CNTNAP2: variants seen among roughly 807,000 people sequenced by gnomAD.
CNTNAP2 encodes the protein contactin-associated protein-like 2.
CNTNAP2 carries 98 observed loss-of-function variants against 155.2 expected under a neutral mutation model. The ratio of observed to expected loss-of-function variants is 0.63; its 90% CI spans 0.54 to 0.75. CNTNAP2 has a LOEUF of 0.75. Ranked by LOEUF, CNTNAP2 falls within the 30% of genes least tolerant of loss-of-function variation. The pLI is 0.00. For synonymous variants in CNTNAP2, 651 were observed against 631.2 expected, an observed-to-expected ratio of 1.03 and a Z score of -0.47; for missense variants, 1,727 against 1,688.1, an observed-to-expected ratio of 1.02 and a Z score of -0.40.
chr7:147,517,059 CAG>C (rs776807113), intron 11 of CNTNAP2, among the ~76,000 whole-genome samples: 1 of 151,074 alleles, frequency 6.6e-6, no homozygotes, highest in Non-Finnish European at 1.5e-5. Context: ...TAGTAGAGAC[CAG>C]GTTTCACCAT....
chr7:148,039,038 T>C (rs1802622018), intron 15 of CNTNAP2, among the ~76,000 whole-genome samples: 1 of 152,068 alleles, frequency 6.6e-6, no homozygotes, highest in Admixed American at 6.6e-5. Context: ...TGAGAAGAGA[T>C]TTATTAGGAG....
intron 3 of CNTNAP2, among the ~76,000 whole-genome samples, chr7:146,996,288 C>T (rs1196652506): frequency 2.0e-5 from 3 of 151,896 alleles, no homozygotes; most frequent in Admixed American, 1.3e-4. Flanking sequence ...GATCGAATTG[C>T]ATTGTAGATG....
intron 3 of CNTNAP2, among the ~76,000 whole-genome samples, chr7:146,971,157 T>C (rs889185476): frequency 6.6e-6 from 1 of 151,906 alleles, no homozygotes; most frequent in East Asian, 1.9e-4. Context: ...TGTATACATA[T>C]GTAACTAACC....
intron 14 of CNTNAP2, among the ~76,000 whole-genome samples, chr7:147,957,329 C>T (rs1407492761): frequency 1.3e-5 from 2 of 151,884 alleles, no homozygotes; most frequent in African/African-American, 4.8e-5. Context: ...GGAATCTAAA[C>T]TAATGAAGAA....
intron 1 of CNTNAP2, among the ~76,000 whole-genome samples, chr7:146,650,549 G>T (rs1019189518): frequency 4.6e-5 from 7 of 151,998 alleles, no homozygotes; most frequent in Non-Finnish European, 7.4e-5. Flanking sequence ...GTTGCGGGGT[G>T]GGGGGCTAGG....
At chr7:148,383,106 G>T (rs1638928318) in intron 21 of CNTNAP2, among the ~76,000 whole-genome samples, 1 of 151,920 alleles carries the variant, frequency 6.6e-6, no homozygotes, top group African/African-American at 2.4e-5. Context: ...ACTAGCCGGG[G>T]ATTCTGTAAA....
intron 2 of CNTNAP2, among the ~76,000 whole-genome samples, chr7:146,788,858 G>A (rs867702581): frequency 2.0e-5 from 3 of 150,018 alleles, no homozygotes; most frequent in East Asian, 1.9e-4. Context: ...TTGTTTTTTC[G>A]TCTATCTCTA....
At chr7:147,127,803 T>A (rs1801271155) in intron 6 of CNTNAP2, among the ~76,000 whole-genome samples, 1 of 152,162 alleles carries the variant, frequency 6.6e-6, no homozygotes, top group African/African-American at 2.4e-5. Flanking sequence ...AATGGTAATA[T>A]TGTATGATAA....
intron 4 of CNTNAP2, among the ~76,000 whole-genome samples, chr7:147,082,302 C>G (rs545438600): frequency 9.0e-4 from 137 of 152,242 alleles, no homozygotes; most frequent in Middle Eastern, 3.4e-3. Context: ...TTGCTTAGGC[C>G]TTTTATCGCT....
chr7:147,022,016 TC>T (rs1254688236), intron 3 of CNTNAP2, among the ~76,000 whole-genome samples: 2 of 152,144 alleles, frequency 1.3e-5, no homozygotes, highest in African/African-American at 4.8e-5. Context: ...TTCAAGTTTT[TC>T]TTATTTTTAT....
intron 1 of CNTNAP2, among the ~76,000 whole-genome samples, chr7:146,169,402 G>A (rs1024996267): frequency 1.3e-5 from 2 of 152,114 alleles, no homozygotes; most frequent in African/African-American, 4.8e-5. Flanking sequence ...TATATTGAAG[G>A]CATAATGTGA....
chr7:147,655,276 C>T (rs1186663984), intron 13 of CNTNAP2, among the ~76,000 whole-genome samples: 1 of 152,072 alleles, frequency 6.6e-6, no homozygotes, highest in African/African-American at 2.4e-5. Context: ...ACACATGCCA[C>T]CACGCTTAGC....
At chr7:146,133,465 GT>G (rs1296237340) in intron 1 of CNTNAP2, among the ~76,000 whole-genome samples, 1 of 152,130 alleles carries the variant, frequency 6.6e-6, no homozygotes, top group African/African-American at 2.4e-5. Context: ...TGCTTTTGGT[GT>G]TTTAGACATG....
Position 147,869,760 on chromosome 7 carries a change from G to A in CNTNAP2, c.2099-33805G>A, listed in dbSNP as rs115665167. On this transcript the variant is annotated intron_variant, in intron 13 of 23. Transcript: ENST00000361727. ...TTGATAAAAAAGCCTATGGAATGAT[G>A]TAAAACATAGATTGCAGATAATAAG... is the stretch of plus-strand genomic sequence containing the variant. Among the ~76,000 whole-genome samples, 662 of 152,296 alleles carry A rather than the reference G, an allele frequency of 4.3e-3. 3 individuals are homozygous for A. Among genetic ancestry groups the A allele is most frequent in the African/African-American group, 0.015 (615 of 41,566 alleles).
intron 21 of CNTNAP2, among the ~76,000 whole-genome samples, chr7:148,300,365 T>G (rs1194139763): frequency 3.3e-5 from 5 of 152,200 alleles, no homozygotes; most frequent in African/African-American, 9.6e-5. Flanking sequence ...AGAAAATTCA[T>G]ACTTTCATAC....
At chr7:146,489,556 G>GCT (rs1797108159) in intron 1 of CNTNAP2, among the ~76,000 whole-genome samples, 1 of 152,046 alleles carries the variant, frequency 6.6e-6, no homozygotes, top group Non-Finnish European at 1.5e-5. Context: ...CACGGCCAGT[G>GCT]ACACACACAC....
chr7:146,557,463 C>G (rs1422852852), intron 1 of CNTNAP2, among the ~76,000 whole-genome samples: 1 of 151,990 alleles, frequency 6.6e-6, no homozygotes, highest in Admixed American at 6.6e-5. Context: ...ATAATTAATT[C>G]TATTGTCTAT....
chr7:148,341,088 T>C (rs575002622), intron 21 of CNTNAP2, among the ~76,000 whole-genome samples: 2 of 152,152 alleles, frequency 1.3e-5, no homozygotes, highest in Non-Finnish European at 2.9e-5. Flanking sequence ...TTAGCGCTGA[T>C]TGTGAAGAAA....
intron 1 of CNTNAP2, among the ~76,000 whole-genome samples, chr7:146,400,227 GA>G (rs1169670349): frequency 6.6e-6 from 1 of 151,244 alleles, no homozygotes; most frequent in Non-Finnish European, 1.5e-5. Flanking sequence ...GTAAAATCCC[GA>G]ATTTGTGCAA....
Sources: allele counts gnomAD v4.1 joint callset (sites outside exome capture counted in the v4.1 genomes callset), GRCh38; gene constraint gnomAD v4.1.1; transcripts MANE v1.5; gene names NCBI Gene and HGNC (gene_info 2026-07-23, HGNC 2026-07-21).